UHRF2: variants seen among roughly 807,000 people sequenced by gnomAD.
The protein encoded by UHRF2 is ubiquitin like with PHD and ring finger domains 2.
A neutral mutation model predicts 96.8 loss-of-function variants in UHRF2; 23 were observed. That is an observed-to-expected ratio of 0.24 (90% CI 0.17 to 0.34). UHRF2 has a LOEUF of 0.34. Ranked by LOEUF, UHRF2 falls within the 10% of genes least tolerant of loss-of-function variation. UHRF2 has a pLI of 1.00. For missense variants in UHRF2, 685 were observed against 981.5 expected, an observed-to-expected ratio of 0.70 and a Z score of 4.04; for synonymous variants, 385 against 332.6, an observed-to-expected ratio of 1.16 and a Z score of -1.72.
At chr9:6,502,393 A>G (rs1409855713) in intron 14 of UHRF2, among the ~76,000 whole-genome samples, 4 of 152,214 alleles carry the variant, frequency 2.6e-5, no homozygotes, top group Non-Finnish European at 5.9e-5. Context: ...AAGTCTGTAT[A>G]AATAGATTCC....
At chr9:6,504,737 C>A in intron 15 of UHRF2, 46 bp downstream of exon 15, 2 of 1,465,916 alleles carry the variant, frequency 1.4e-6, no homozygotes, top group South Asian at 1.2e-5. Context: ...TATGAAGGCA[C>A]ACTAATTTCT....
At chr9:6,485,824 AAAAAC>A (rs1234818265) in intron 8 of UHRF2, among the ~76,000 whole-genome samples, 131 of 145,940 alleles carry the variant, frequency 9.0e-4, no homozygotes, top group African/African-American at 3.1e-3. Flanking sequence ...AAAAAAAAAA[AAAAAC>A]AAAACCCAAA....
intron 2 of UHRF2, among the ~76,000 whole-genome samples, chr9:6,433,386 C>T (rs779102603): frequency 3.9e-5 from 6 of 152,110 alleles, no homozygotes; most frequent in Non-Finnish European, 7.4e-5. Flanking sequence ...AACTAGTGAT[C>T]GAACTTCACC....
rs1819398188 is a variant in UHRF2, at chr9:6,413,339, G to A, written c.-152G>A. 2.4e-5 allele frequency: 17 copies of A among 714,150 alleles called. No homozygotes were observed. The highest frequency in any genetic ancestry group is 2.1e-4 in the Admixed American group (4 of 19,254). 44.2% of individuals were successfully genotyped at this position (714,150 alleles called of 1,614,324 possible). The stretch of plus-strand genomic sequence containing the variant: ...CGCGCGCTGAGAGTCGTCGCCGCCT[G>A]TCGGGCCCGGCGTCCGGTCGGTCCG... On this transcript the variant is annotated 5_prime_UTR_variant, in exon 1 of 16. Coordinates refer to ENST00000276893, the MANE Select transcript of UHRF2 (RefSeq NM_152896.3).
chr9:6,423,110 C>T (rs10733529), intron 2 of UHRF2: 103,016 of 153,004 alleles, frequency 0.67, 36,958 homozygotes, highest in South Asian at 0.82. Context: ...AAGTAAATTA[C>T]TCAAGATTAT....
chr9:6,475,606 A>G, intron 5 of UHRF2, 106 bp downstream of exon 5: 1 of 482,628 alleles, frequency 2.1e-6, no homozygotes, highest in Admixed American at 3.8e-5. Context: ...ACTGTAGACC[A>G]TACAAATTTA....
intron 4 of UHRF2, among the ~76,000 whole-genome samples, chr9:6,470,160 G>T (rs1371525486): frequency 6.6e-6 from 1 of 152,112 alleles, no homozygotes; most frequent in African/African-American, 2.4e-5. Context: ...ATCACTTGAG[G>T]TCAGGAATTC....
intron 3 of UHRF2, among the ~76,000 whole-genome samples, chr9:6,451,279 A>C (rs1169657366): frequency 6.6e-6 from 1 of 152,140 alleles, no homozygotes; most frequent in South Asian, 2.1e-4. Context: ...GTGTTAGGCT[A>C]CCAGTTGTGT....
intron 4 of UHRF2, among the ~76,000 whole-genome samples, chr9:6,462,418 GC>G (rs1822599605): frequency 6.6e-6 from 1 of 151,992 alleles, no homozygotes; most frequent in Non-Finnish European, 1.5e-5. Context: ...TGATTCTATT[GC>G]TAGACTAAGG....
intron 3 of UHRF2, among the ~76,000 whole-genome samples, chr9:6,440,827 G>A (rs576941450): frequency 8.5e-5 from 13 of 152,206 alleles, no homozygotes; most frequent in Non-Finnish European, 1.3e-4. Flanking sequence ...CAAAATAATC[G>A]GTGCATGAGA....
chr9:6,421,148 T>C lies in UHRF2; in HGVS notation c.384+6T>C. The C allele has an allele frequency of 6.3e-7, 1 of 1,595,238 alleles. No homozygotes were observed. The highest frequency in any genetic ancestry group is 2.2e-5 in the East Asian group (1 of 44,634). On this transcript the variant is annotated splice_donor_region_variant and intron_variant, in intron 2 of 15. Transcript: ENST00000276893. ...CTGGCTTTGGAATATATAAGGTATG[T>C]TGTTTTCTTCAGACTTACTGTTGTG...
chr9:6,444,161 G>A (rs1485714658), intron 3 of UHRF2, among the ~76,000 whole-genome samples: 1 of 152,182 alleles, frequency 6.6e-6, no homozygotes, highest in Non-Finnish European at 1.5e-5. Context: ...TAAGTGTCAT[G>A]TCAGTCTTGA....
chr9:6,419,336 A>C (rs970532190), intron 1 of UHRF2, among the ~76,000 whole-genome samples: 2 of 152,246 alleles, frequency 1.3e-5, no homozygotes, highest in African/African-American at 4.8e-5. Context: ...GGTGGGTTGC[A>C]AATAATTTAT....
intron 3 of UHRF2, among the ~76,000 whole-genome samples, chr9:6,447,295 GCA>G (rs1821576830): frequency 6.6e-6 from 1 of 152,162 alleles, no homozygotes; most frequent in South Asian, 2.1e-4. Context: ...TTATATAAAA[GCA>G]CAGTTTTCTG....
chr9:6,489,187 G>A (rs1161996488), intron 9 of UHRF2, among the ~76,000 whole-genome samples: 6 of 152,130 alleles, frequency 3.9e-5, no homozygotes, highest in Non-Finnish European at 1.5e-5. Context: ...TTAACCTTTA[G>A]GATTGGCTTT....
intron 3 of UHRF2, among the ~76,000 whole-genome samples, chr9:6,450,092 G>T (rs1821761847): frequency 6.6e-6 from 1 of 152,062 alleles, no homozygotes; most frequent in South Asian, 2.1e-4. Flanking sequence ...CATTGAACCT[G>T]GGAACAGACT....
chr9:6,504,507 C>A, intron 14 of UHRF2, 86 bp from the exon 15 acceptor site: 1 of 775,684 alleles, frequency 1.3e-6, no homozygotes, highest in Non-Finnish European at 2.1e-6. Flanking sequence ...TCTCTACTAG[C>A]TGTTTTGAAA....
At chr9:6,416,688 CG>C (rs1449102309) in intron 1 of UHRF2, among the ~76,000 whole-genome samples, 4 of 151,994 alleles carry the variant, frequency 2.6e-5, no homozygotes, top group Admixed American at 6.6e-5. Context: ...TACAGGCGCC[CG>C]CCACTGCGCC....
chr9:6,468,042 T>G (rs1192492434), intron 4 of UHRF2, among the ~76,000 whole-genome samples: 1 of 152,190 alleles, frequency 6.6e-6, no homozygotes, highest in Non-Finnish European at 1.5e-5. Context: ...CTGATTACCA[T>G]TTAGTGTCCC....
Sources: allele counts gnomAD v4.1 joint callset (sites outside exome capture counted in the v4.1 genomes callset), GRCh38; gene constraint gnomAD v4.1.1; transcripts MANE v1.5; gene names NCBI Gene and HGNC (gene_info 2026-07-23, HGNC 2026-07-21).